The following RAB11FIP4 variants were observed in gnomAD, a reference collection of about 807,000 sequenced individuals.
RAB11FIP4 encodes RAB11 family interacting protein 4.
RAB11FIP4 carries 23 observed loss-of-function variants against 74.3 expected under a neutral mutation model. The ratio of observed to expected loss-of-function variants is 0.31; its 90% CI spans 0.22 to 0.44. The LOEUF is 0.44. Ranked by LOEUF, RAB11FIP4 falls within the 20% of genes least tolerant of loss-of-function variation. The probability of loss-of-function intolerance (pLI) is 1.00; values close to 1 mark genes in which losing one functional copy is unlikely to be tolerated. For synonymous variants in RAB11FIP4, 360 were observed against 359.9 expected (o/e 1.00, Z 0.00); for missense variants, 630 against 863.9 (o/e 0.73, Z 3.39).
chr17:31,431,398 T>G (rs1308076456), intron 1 of RAB11FIP4, among the ~76,000 whole-genome samples: 1 of 152,202 alleles, frequency 6.6e-6, no homozygotes, highest in African/African-American at 2.4e-5. Context: ...AGTTTCCCCA[T>G]CTAGCCAGCA....
intron 4 of RAB11FIP4, among the ~76,000 whole-genome samples, chr17:31,519,311 G>T (rs2072620474): frequency 6.6e-6 from 1 of 152,142 alleles, no homozygotes; most frequent in South Asian, 2.1e-4. Context: ...ACCGCACCTG[G>T]CCAGTTGATC....
Position 31,536,866 on chromosome 17 carries a change from C to T in RAB11FIP4, c.*5134C>T, listed in dbSNP as rs1402399244. The T allele has an allele frequency of 7.5e-6, 3 of 397,626 alleles. No homozygotes were observed. Among genetic ancestry groups the T allele is most frequent in the African/African-American group, 2.1e-5 (1 of 48,588 alleles). The allele number at this position is 397,626 out of a possible 1,614,324, so 24.6% of individuals were successfully genotyped here. ...AAAGATTTGTTTCTAAAAGCGTAGA[C>T]CCTGGGGAAGTATAATGTCACCATG... On this transcript the variant is annotated 3_prime_UTR_variant, in exon 15 of 15. Coordinates refer to ENST00000621161, the MANE Select transcript of RAB11FIP4 (RefSeq NM_032932.6).
chr17:31,397,690 G>A (rs2342054), intron 1 of RAB11FIP4, among the ~76,000 whole-genome samples: 74,911 of 151,934 alleles, frequency 0.49, 20,310 homozygotes, highest in Non-Finnish European at 0.61. Flanking sequence ...AGTGGGGCCA[G>A]GGCTGGGGAT....
chr17:31,505,614 AT>A (rs2072325138), intron 3 of RAB11FIP4, among the ~76,000 whole-genome samples: 4 of 37,932 alleles, frequency 1.1e-4, no homozygotes, highest in Admixed American at 4.6e-4. Context: ...TAATAATTAT[AT>A]ATAATATATA....
At chr17:31,489,991 G>A (rs929823063) in intron 3 of RAB11FIP4, among the ~76,000 whole-genome samples, 8 of 152,196 alleles carry the variant, frequency 5.3e-5, no homozygotes, top group African/African-American at 9.6e-5. Context: ...AGGAGAGACT[G>A]CCTGGAGCCT....
At chr17:31,442,075 C>T (rs571179294) in intron 3 of RAB11FIP4, among the ~76,000 whole-genome samples, 3 of 151,448 alleles carry the variant, frequency 2.0e-5, no homozygotes, top group East Asian at 2.0e-4. Context: ...CTCGGCTCAC[C>T]GCAAGCTCCG....
At chr17:31,406,054 C>T (rs2071038520) in intron 1 of RAB11FIP4, among the ~76,000 whole-genome samples, 1 of 152,222 alleles carries the variant, frequency 6.6e-6, no homozygotes, top group Non-Finnish European at 1.5e-5. Flanking sequence ...TGGCAGGGCA[C>T]CTGGGCCAGC....
intron 13 of RAB11FIP4, among the ~76,000 whole-genome samples, chr17:31,530,107 C>T (rs1227388931): frequency 1.3e-5 from 2 of 152,240 alleles, no homozygotes; most frequent in African/African-American, 4.8e-5. Flanking sequence ...AAACCCTGTG[C>T]ACTCCCAGGA....
intron 3 of RAB11FIP4, among the ~76,000 whole-genome samples, chr17:31,507,881 G>A (rs1242855747): frequency 6.6e-6 from 1 of 152,016 alleles, no homozygotes; most frequent in Non-Finnish European, 1.5e-5. Context: ...CCGTTGCCCA[G>A]GCTGGAGTGC....
intron 1 of RAB11FIP4, among the ~76,000 whole-genome samples, chr17:31,402,598 TTTTA>T (rs3058625): frequency 0.012 from 1,686 of 142,792 alleles, 13 homozygotes; most frequent in Middle Eastern, 0.018. Flanking sequence ...TTTTATTTAT[TTTTA>T]TTTATTTATT....
intron 7 of RAB11FIP4, chr17:31,523,197 C>T (rs1597981368): frequency 5.0e-6 from 2 of 396,768 alleles, no homozygotes; most frequent in Non-Finnish European, 9.5e-6. Context: ...AGGGGGCTCA[C>T]GTGCCAGCTG....
chr17:31,393,584 A>T (rs2070898225), intron 1 of RAB11FIP4, among the ~76,000 whole-genome samples: 1 of 152,058 alleles, frequency 6.6e-6, no homozygotes, highest in Non-Finnish European at 1.5e-5. Context: ...CTTCTCCCTC[A>T]TACACTCTAG....
chr17:31,457,847 C>A (rs2071593787), intron 3 of RAB11FIP4, among the ~76,000 whole-genome samples: 1 of 152,166 alleles, frequency 6.6e-6, no homozygotes, highest in Non-Finnish European at 1.5e-5. Flanking sequence ...CTCCCTTCCT[C>A]TCTCTCCTTT....
At chr17:31,522,300 C>A (rs984217716) in intron 6 of RAB11FIP4, 60 bp from the exon 7 acceptor site, 3 of 1,553,840 alleles carry the variant, frequency 1.9e-6, no homozygotes, top group South Asian at 2.3e-5. Context: ...ACAGCTAGGA[C>A]AGAGTAAGGG....
intron 3 of RAB11FIP4, among the ~76,000 whole-genome samples, chr17:31,445,549 TATATATATATATATATATATATATA>T (rs2071446228): frequency 9.4e-5 from 1 of 10,616 alleles, no homozygotes; most frequent in Non-Finnish European, 2.0e-4. Context: ...TATATATATA[TATATATATATATATATATATATATA>T]TATATTTTTT....
intron 3 of RAB11FIP4, among the ~76,000 whole-genome samples, chr17:31,452,012 C>T (rs945420174): frequency 6.6e-6 from 1 of 152,212 alleles, no homozygotes; most frequent in African/African-American, 2.4e-5. Context: ...TTACCTCAAA[C>T]CTTTGTCTTT....
chr17:31,443,280 T>C (rs1050880011), intron 3 of RAB11FIP4, among the ~76,000 whole-genome samples: 1 of 152,238 alleles, frequency 6.6e-6, no homozygotes, highest in Non-Finnish European at 1.5e-5. Flanking sequence ...TATAACTTTT[T>C]GACATACATT....
chr17:31,481,346 A>G (rs1299291808), intron 3 of RAB11FIP4, among the ~76,000 whole-genome samples: 3 of 152,028 alleles, frequency 2.0e-5, no homozygotes, highest in Non-Finnish European at 4.4e-5. Flanking sequence ...TAAGTTCTTC[A>G]AGTGATCCTG....
chr17:31,431,702 CTG>C, intron 1 of RAB11FIP4, 109 bp from the exon 2 acceptor site: 1 of 797,716 alleles, frequency 1.3e-6, no homozygotes, highest in Non-Finnish European at 2.2e-6. Context: ...GGTAAGAGGA[CTG>C]GGCGGGGACA....
Sources: gnomAD v4.1 joint callset for allele counts (sites outside exome capture counted in the v4.1 genomes callset) on GRCh38, gnomAD v4.1.1 for gene constraint, MANE v1.5 for transcripts, NCBI Gene and HGNC (gene_info 2026-07-23, HGNC 2026-07-21) for gene names.